VEZT: variants seen among roughly 807,000 people sequenced by gnomAD.
The protein encoded by VEZT is vezatin.
In VEZT, 39 loss-of-function variants were observed where a neutral mutation model predicts 79.9. The observed-to-expected ratio is 0.49, with a 90% CI of 0.38 to 0.64. The LOEUF is 0.64. VEZT is among the 30% of genes least tolerant of loss of function. VEZT has a pLI of 0.00. For synonymous variants in VEZT, 325 were observed against 327.6 expected (o/e 0.99, Z 0.09); for missense variants, 837 against 893.1 (o/e 0.94, Z 0.80).
At chr12:95,274,628 C>T (rs1271351793) in intron 6 of VEZT, 114 bp from the exon 7 acceptor site, 4 of 1,142,670 alleles carry the variant, frequency 3.5e-6, no homozygotes, top group Non-Finnish European at 4.8e-6. Flanking sequence ...CTGCTGTAAA[C>T]CTCCTCATCC....
intron 7 of VEZT, among the ~76,000 whole-genome samples, chr12:95,280,517 A>C (rs2068805064): frequency 8.7e-6 from 1 of 114,556 alleles, no homozygotes; most frequent in Non-Finnish European, 1.8e-5. Flanking sequence ...CCCCCCTTTC[A>C]TATGTGTACA....
chr12:95,276,069 T>C (rs899714116), intron 7 of VEZT, among the ~76,000 whole-genome samples: 3 of 152,028 alleles, frequency 2.0e-5, no homozygotes, highest in African/African-American at 7.2e-5. Flanking sequence ...TGGTTCACTT[T>C]AGCAGTGAAT....
chr12:95,263,004 C>A lies in VEZT; in HGVS notation c.357C>A (p.Ile119=). 1 of 1,613,586 alleles carries A rather than the reference C, an allele frequency of 6.2e-7. No homozygotes were observed. The highest frequency in any genetic ancestry group is 8.5e-7 in the Non-Finnish European group (1 of 1,179,584). The stretch of plus-strand genomic sequence containing the variant: ...TGATTGAGCTACTTGATCCCAGTAT[C>A]CTGTCTGCAGGGCAATCTCAACAAC... ...VELIELLDPS[I]LSAGQSQQQE... is the part of the protein sequence containing the mutation. Residue 119 remains isoleucine (I), a synonymous_variant, in exon 4 of 12, where the codon ATC becomes ATA. Transcript: ENST00000436874.
chr12:95,285,031 A>T (rs1024133830), intron 8 of VEZT, among the ~76,000 whole-genome samples: 1 of 146,634 alleles, frequency 6.8e-6, no homozygotes, highest in African/African-American at 2.5e-5. Context: ...GCTTTCAGTG[A>T]GCCAAGATCG....
chr12:95,240,785 C>T (rs1178153444), intron 1 of VEZT, among the ~76,000 whole-genome samples: 3 of 152,120 alleles, frequency 2.0e-5, no homozygotes, highest in South Asian at 4.1e-4. Flanking sequence ...AATCAGTCAT[C>T]GTCCCAAAAT....
chr12:95,292,395 G>A (rs1158453979), intron 9 of VEZT, among the ~76,000 whole-genome samples: 4 of 152,018 alleles, frequency 2.6e-5, no homozygotes, highest in Non-Finnish European at 5.9e-5. Context: ...GATATATGGT[G>A]TCACCATTGA....
intron 8 of VEZT, among the ~76,000 whole-genome samples, chr12:95,283,202 T>C (rs954530262): frequency 2.0e-5 from 3 of 152,244 alleles, no homozygotes; most frequent in Non-Finnish European, 2.9e-5. Flanking sequence ...CATGAAATTG[T>C]TGGTATACTA....
chr12:95,250,001 C>CT (rs2062276917), intron 1 of VEZT, among the ~76,000 whole-genome samples: 1 of 149,380 alleles, frequency 6.7e-6, no homozygotes, highest in African/African-American at 2.5e-5. Flanking sequence ...CCACATAGTA[C>CT]TTTAACTGTG....
chr12:95,271,437 G>A (rs1392592290), intron 6 of VEZT, among the ~76,000 whole-genome samples: 1 of 152,130 alleles, frequency 6.6e-6, no homozygotes, highest in Non-Finnish European at 1.5e-5. Flanking sequence ...TTCCAACATA[G>A]CAGGGCAACA....
chr12:95,226,637 C>G (rs528463697), intron 1 of VEZT, among the ~76,000 whole-genome samples: 1 of 150,848 alleles, frequency 6.6e-6, no homozygotes, highest in African/African-American at 2.4e-5. Flanking sequence ...TTTTACTGTA[C>G]TATATTTTGG....
intron 2 of VEZT, among the ~76,000 whole-genome samples, chr12:95,253,468 A>G (rs2062944051): frequency 6.6e-6 from 1 of 152,058 alleles, no homozygotes; most frequent in South Asian, 2.1e-4. Context: ...CATTTATACC[A>G]TTTCTTCCCT....
chr12:95,281,270 G>C (rs1451614355), intron 7 of VEZT, among the ~76,000 whole-genome samples: 2 of 152,086 alleles, frequency 1.3e-5, no homozygotes, highest in Admixed American at 1.3e-4. Context: ...TTAAAAAAAA[G>C]AAGAAGAATG....
Position 95,266,557 on chromosome 12 carries a change from G to A in VEZT, c.635G>A (p.Arg212Gln), listed in dbSNP as rs755883913. Residue 212 changes from arginine (R) to glutamine (Q), a missense_variant, in exon 5 of 12, where the codon CGA becomes CAA. Transcript: ENST00000436874. ...TTGGAAGATATGGCCACAAACAGCC[G>A]AGCTTTTACTAACCTCGTGAGAAAA... Reference protein sequence around the residue: ...VHLEDMATNSRAFTNLVRKAL... With the variant: ...VHLEDMATNSQAFTNLVRKAL... The A allele has an allele frequency of 9.9e-6, 16 of 1,613,874 alleles. No individual in the cohort carries two copies. Among genetic ancestry groups the A allele is most frequent in the South Asian group, 4.4e-5 (4 of 91,076 alleles).
At chr12:95,278,364 C>A (rs1298123362) in intron 7 of VEZT, among the ~76,000 whole-genome samples, 1 of 152,050 alleles carries the variant, frequency 6.6e-6, no homozygotes, top group East Asian at 1.9e-4. Context: ...TTTTATATTT[C>A]TTTTATTTTT....
At chr12:95,277,712 T>C (rs1178380456) in intron 7 of VEZT, among the ~76,000 whole-genome samples, 1 of 152,238 alleles carries the variant, frequency 6.6e-6, no homozygotes, top group Non-Finnish European at 1.5e-5. Flanking sequence ...TTTGAACTTA[T>C]GTCACCTGTG....
chr12:95,298,918 A>G (rs988020201), intron 11 of VEZT: 3 of 153,400 alleles, frequency 2.0e-5, no homozygotes, highest in Non-Finnish European at 4.4e-5. Flanking sequence ...AGATTTATCA[A>G]TGAGAGAAAT....
At chr12:95,225,470 T>C (rs1055015291) in intron 1 of VEZT, among the ~76,000 whole-genome samples, 2 of 152,024 alleles carry the variant, frequency 1.3e-5, no homozygotes, top group Non-Finnish European at 2.9e-5. Flanking sequence ...GGCAGGAGAA[T>C]GGCGTAAACC....
intron 9 of VEZT, among the ~76,000 whole-genome samples, chr12:95,290,436 T>C (rs2072446669): frequency 6.6e-6 from 1 of 152,182 alleles, no homozygotes; most frequent in African/African-American, 2.4e-5. Context: ...CATCCATCCA[T>C]ACAGTGAAAT....
At chr12:95,297,241 A>G (rs2074348706) in intron 11 of VEZT, among the ~76,000 whole-genome samples, 1 of 152,218 alleles carries the variant, frequency 6.6e-6, no homozygotes, top group African/African-American at 2.4e-5. Flanking sequence ...GCTAATTCTT[A>G]GTTGAATTAA....
Sources: gnomAD v4.1 joint callset for allele counts (sites outside exome capture counted in the v4.1 genomes callset) on GRCh38, gnomAD v4.1.1 for gene constraint, MANE v1.5 for transcripts, NCBI Gene and HGNC (gene_info 2026-07-23, HGNC 2026-07-21) for gene names.